The following PRKACA variants were observed in gnomAD, a reference collection of about 807,000 sequenced individuals.
PRKACA encodes the protein protein kinase cAMP-activated catalytic subunit alpha, also known as cAMP-dependent protein kinase catalytic subunit alpha.
In PRKACA, 9 loss-of-function variants were observed where a neutral mutation model predicts 45.8. The observed-to-expected ratio is 0.20, with a 90% CI of 0.12 to 0.34. The LOEUF is 0.34. Ranked by LOEUF, PRKACA falls within the 10% of genes least tolerant of loss-of-function variation. The pLI is 1.00. For synonymous variants in PRKACA, 160 were observed against 178.6 expected (o/e 0.90, Z 0.83); for missense variants, 238 against 458.6 (o/e 0.52, Z 4.39).
In PRKACA at chr19:14,106,775, G is replaced by T; in HGVS notation, c.222C>A (p.Ile74=). The T allele has an allele frequency of 1.2e-6, 2 of 1,614,198 alleles. No homozygotes were observed. Among genetic ancestry groups the T allele is most frequent in the African/African-American group, 1.3e-5 (1 of 75,066 alleles). Reference sequence around the variant, plus strand: ...GCCACCTCACCTTCTGTTTGTCGAGGATCTTCATGGCATAGTGGTTCCCGG... The same window carrying T: ...GCCACCTCACCTTCTGTTTGTCGAGTATCTTCATGGCATAGTGGTTCCCGG... ...KETGNHYAMK[I]LDKQKVVKLK... is the part of the protein sequence containing the mutation. Residue 74 remains isoleucine, a synonymous_variant, in exon 3 of 10, where the codon ATC becomes ATA. Coordinates refer to ENST00000308677, the MANE Select transcript of PRKACA (RefSeq NM_002730.4).
At chr19:14,096,881 T>C in intron 8 of PRKACA, 1 of 265,814 alleles carries the variant, frequency 3.8e-6, no homozygotes, top group South Asian at 4.0e-5. Flanking sequence ...CTGAGATGGC[T>C]TCACCACCCC....
At position 14,097,136 on chromosome 19, in the gene PRKACA, T is replaced by G; in HGVS notation, c.765+225A>C. On this transcript the variant is annotated intron_variant, in intron 8 of 9. Transcript: ENST00000308677. The surrounding 1 kb of genome is among the most constrained non-coding windows in gnomAD (Gnocchi z 5.4). Reference sequence around the variant, plus strand: ...CAAGATGTTCCCGTGAGGCTCGGGATTTTGGAAGCCCATGGGATTCTGGAA... The same window carrying G: ...CAAGATGTTCCCGTGAGGCTCGGGAGTTTGGAAGCCCATGGGATTCTGGAA... The G allele has an allele frequency of 1.7e-5, 10 of 594,066 alleles. No homozygotes were observed. Among genetic ancestry groups the G allele is most frequent in the African/African-American group, 3.7e-5 (2 of 53,460 alleles). The allele number at this position is 594,066 out of a possible 1,614,324, so 36.8% of individuals were successfully genotyped here.
At chr19:14,104,699 A>G (rs1020141974) in intron 3 of PRKACA, among the ~76,000 whole-genome samples, 12 of 150,778 alleles carry the variant, frequency 8.0e-5, no homozygotes, top group Non-Finnish European at 1.3e-4. Flanking sequence ...CCATCTCAAA[A>G]AAAAAAAAAA....
chr19:14,109,925 G>C (rs1463119616), intron 1 of PRKACA, among the ~76,000 whole-genome samples: 1 of 99,190 alleles, frequency 1.0e-5, no homozygotes, highest in South Asian at 4.0e-4. Flanking sequence ...GCGACAGAGT[G>C]AGACTCTGTC....
At chr19:14,106,381 C>T (rs975845850) in intron 3 of PRKACA, among the ~76,000 whole-genome samples, 3 of 151,456 alleles carry the variant, frequency 2.0e-5, no homozygotes, top group Admixed American at 6.6e-5. Context: ...CGGCCAGGCG[C>T]GGTGGCTCAC....
chr19:14,097,672 C>G lies in PRKACA; in HGVS notation c.549G>C (p.Val183=), dbSNP rs746473377. 1 of 1,609,412 alleles carries G rather than the reference C, an allele frequency of 6.2e-7. No homozygotes were observed. The highest frequency in any genetic ancestry group is 8.5e-7 in the Non-Finnish European group (1 of 1,176,746). ...LLIDQQGYIQ[V]TDFGFAKRVK... ...CGCGCTTGGCGAAACCGAAGTCTGT[C>G]ACCTGTGGGCACAAGAACAGGCAGT... The change falls in exon 7 of 10, where the codon GTG becomes GTC. Residue 183 remains valine (V), a splice_region_variant and synonymous_variant. Transcript: ENST00000308677. This position sits in a 1 kb window ranked among gnomAD's most constrained non-coding sequence, Gnocchi z 5.4.
intron 1 of PRKACA, among the ~76,000 whole-genome samples, chr19:14,109,445 C>T (rs1374590054): frequency 2.0e-5 from 3 of 151,218 alleles, no homozygotes; most frequent in African/African-American, 7.3e-5. Flanking sequence ...GAGACTCTGT[C>T]TCCAAAACAA....
intron 4 of PRKACA, chr19:14,101,190 G>A: frequency 2.7e-6 from 1 of 374,722 alleles, no homozygotes; most frequent in Non-Finnish European, 5.0e-6. Flanking sequence ...TGAGGCCACA[G>A]TTTTGTCATC....
intron 1 of PRKACA, among the ~76,000 whole-genome samples, chr19:14,110,754 G>C (rs1966942977): frequency 6.6e-6 from 1 of 152,098 alleles, no homozygotes; most frequent in African/African-American, 2.4e-5. Flanking sequence ...CTCACCCTGT[G>C]GGGTGGGAGC....
chr19:14,107,029 A>G, intron 2 of PRKACA, 141 bp from the exon 3 acceptor site: 1 of 1,112,796 alleles, frequency 9.0e-7, no homozygotes. Flanking sequence ...AGGGGGCGGA[A>G]AATCAAGATG....
At chr19:14,100,743 T>C (rs911138269) in intron 5 of PRKACA, 83 bp downstream of exon 5, 42 of 1,387,462 alleles carry the variant, frequency 3.0e-5, no homozygotes, top group Non-Finnish European at 4.2e-5. Flanking sequence ...GCTGGACTCC[T>C]CTGCATTCCC....
In PRKACA at chr19:14,092,983, G is replaced by A. The variant is rs1977127768; in HGVS notation, c.*129C>T. ...TTCCTGCTCCCCCTAACCCTGGAGG[G>A]TGGGGTGGGGGTGAAATTAGATGCA... On this transcript the variant is annotated 3_prime_UTR_variant, in exon 10 of 10. Transcript: ENST00000308677. The A allele has an allele frequency of 8.2e-6, 10 of 1,216,288 alleles. No individual in the cohort carries two copies. Among genetic ancestry groups the A allele is most frequent in the Non-Finnish European group, 1.1e-5 (10 of 906,026 alleles). The allele number at this position is 1,216,288 out of a possible 1,614,324, so 75.3% of individuals were successfully genotyped here. A position where few individuals can be genotyped will look rare whatever the true frequency, so the allele number is the denominator to read the frequency against.
intron 1 of PRKACA, among the ~76,000 whole-genome samples, chr19:14,112,037 C>A (rs1351457066): frequency 6.6e-6 from 1 of 152,206 alleles, no homozygotes; most frequent in Non-Finnish European, 1.5e-5. Flanking sequence ...GGGTGCCTTG[C>A]TGTTAGCATG....
Position 14,097,999 on chromosome 19 carries a change from C to G in PRKACA, c.420-109G>C, listed in dbSNP as rs1222605585. ...AGGAAGACACCTCCAGTCCAGCCGT[C>G]AGAAACGCAAGGCACCTGATTCTTA... On this transcript the variant is annotated intron_variant, in intron 5 of 9. Coordinates refer to ENST00000308677, the MANE Select transcript of PRKACA (RefSeq NM_002730.4). The surrounding 1 kb of genome is among the most constrained non-coding windows in gnomAD (Gnocchi z 5.4). The G allele has an allele frequency of 1.4e-6, 2 of 1,426,406 alleles. No individual in the cohort carries two copies. Among genetic ancestry groups the G allele is most frequent in the Non-Finnish European group, 9.6e-7 (1 of 1,043,244 alleles). 88.4% of individuals were successfully genotyped at this position (1,426,406 alleles called of 1,614,324 possible). A position where few individuals can be genotyped will look rare whatever the true frequency, so the allele number is the denominator to read the frequency against.
chr19:14,111,950 C>T (rs1315095279), intron 1 of PRKACA, among the ~76,000 whole-genome samples: 1 of 152,200 alleles, frequency 6.6e-6, no homozygotes, highest in Non-Finnish European at 1.5e-5. Flanking sequence ...GAAAGAATTG[C>T]TGAATCCTGC....
At chr19:14,108,297 G>A (rs371693057) in intron 1 of PRKACA, 41 of 266,050 alleles carry the variant, frequency 1.5e-4, no homozygotes, top group African/African-American at 8.7e-4. Flanking sequence ...GTGGTTTTGA[G>A]GAATGAATGA....
Position 14,093,111 on chromosome 19 carries a change from C to G in PRKACA, c.*1G>C. ...AAACCCATGGGGGCACAGGCATGCC[C>G]CTAAAACTCAGAAAACTCCTTGCCA... On this transcript the variant is annotated 3_prime_UTR_variant, in exon 10 of 10. Coordinates refer to ENST00000308677, the MANE Select transcript of PRKACA (RefSeq NM_002730.4). The G allele has an allele frequency of 6.2e-7, 1 of 1,609,622 alleles. No individual in the cohort carries two copies. Among genetic ancestry groups the G allele is most frequent in the South Asian group, 1.1e-5 (1 of 90,714 alleles).
intron 1 of PRKACA, among the ~76,000 whole-genome samples, chr19:14,111,612 T>A (rs1441885604): frequency 6.6e-6 from 1 of 152,136 alleles, no homozygotes; most frequent in Non-Finnish European, 1.5e-5. Flanking sequence ...TTTGAGTGTT[T>A]TATTTTGTTT....
At chr19:14,104,301 C>T (rs1264358256) in intron 3 of PRKACA, among the ~76,000 whole-genome samples, 1 of 137,496 alleles carries the variant, frequency 7.3e-6, no homozygotes, top group East Asian at 2.1e-4. Context: ...CACACCACTG[C>T]AGTCCAGCCT....
Sources: allele counts gnomAD v4.1 joint callset (sites outside exome capture counted in the v4.1 genomes callset), GRCh38; gene constraint gnomAD v4.1.1; non-coding constraint Gnocchi (gnomAD v3.1); transcripts MANE v1.5; gene names NCBI Gene and HGNC (gene_info 2026-07-23, HGNC 2026-07-21).